LINGO2: variants seen among roughly 807,000 people sequenced by gnomAD.
LINGO2 encodes the protein leucine rich repeat and Ig domain containing 2.
A neutral mutation model predicts 30.6 loss-of-function variants in LINGO2; 14 were observed. The ratio of observed to expected loss-of-function variants is 0.46; its 90% confidence interval spans 0.30 to 0.72. The LOEUF (loss-of-function observed/expected upper bound fraction) is 0.72. Among genes scored for constraint, LINGO2 ranks in the 30% least tolerant of loss-of-function variants. LINGO2 has a pLI of 0.07. For synonymous variants in LINGO2, 317 were observed against 288.5 expected (o/e 1.10, Z -1.00); for missense variants, 729 against 751.7 (o/e 0.97, Z 0.35).
At chr9:28,887,218 G>A in the LINGO2 span, among the ~76,000 whole-genome samples, 1 of 152,082 alleles carries the variant, frequency 6.6e-6, no homozygotes. Context: ...CTGCTGAGTT[G>A]ATGCTGACAT....
intron 4 of LINGO2, among the ~76,000 whole-genome samples, chr9:28,292,822 G>A (rs1362655706): frequency 6.6e-6 from 1 of 151,616 alleles, no homozygotes; most frequent in Non-Finnish European, 1.5e-5. Context: ...CCAGGCTGGA[G>A]TGCAGTGACA....
At chr9:29,139,677 A>AG in the LINGO2 span, among the ~76,000 whole-genome samples, 1 of 152,178 alleles carries the variant, frequency 6.6e-6, no homozygotes, top group Admixed American at 6.5e-5. Context: ...AAAGCCAGTA[A>AG]GTAAATTAGT....
At chr9:28,680,197 T>C in the LINGO2 span, among the ~76,000 whole-genome samples, 8 of 152,052 alleles carry the variant, frequency 5.3e-5, no homozygotes, top group Admixed American at 5.3e-4. Context: ...ATTTCACATA[T>C]AAGTGAGATC....
chr9:28,569,714 G>T (rs971613614), intron 1 of LINGO2, among the ~76,000 whole-genome samples: 2 of 151,628 alleles, frequency 1.3e-5, no homozygotes, highest in African/African-American at 2.4e-5. Flanking sequence ...ATACAGCATG[G>T]TTACTATAGT....
the LINGO2 span, among the ~76,000 whole-genome samples, chr9:28,696,292 T>C: frequency 3.3e-5 from 5 of 151,994 alleles, no homozygotes; most frequent in Admixed American, 6.6e-5. Context: ...TAGACTTCTT[T>C]ACAGCTTGTA....
chr9:28,908,286 T>C, the LINGO2 span, among the ~76,000 whole-genome samples: 1 of 150,952 alleles, frequency 6.6e-6, no homozygotes, highest in South Asian at 2.1e-4. Context: ...ATAGCTAATA[T>C]GGAGCAGATA....
chr9:28,248,560 C>A (rs1175542012), intron 4 of LINGO2, among the ~76,000 whole-genome samples: 6 of 152,092 alleles, frequency 3.9e-5, no homozygotes, highest in Non-Finnish European at 5.9e-5. Flanking sequence ...GGTAGCACAT[C>A]AGGGGGACTG....
At chr9:28,533,589 G>A (rs975838127) in intron 1 of LINGO2, among the ~76,000 whole-genome samples, 1 of 152,148 alleles carries the variant, frequency 6.6e-6, no homozygotes, top group Admixed American at 6.5e-5. Context: ...TTGATGAATC[G>A]CAATAGGTGT....
the LINGO2 span, among the ~76,000 whole-genome samples, chr9:29,157,414 A>G: frequency 1.8e-4 from 27 of 152,304 alleles, no homozygotes; most frequent in South Asian, 2.5e-3. Flanking sequence ...CATTCTGAAA[A>G]CATGTGAGAA....
At chr9:28,751,757 C>T in the LINGO2 span, among the ~76,000 whole-genome samples, 72 of 151,846 alleles carry the variant, frequency 4.7e-4, no homozygotes, top group African/African-American at 1.7e-3. Context: ...GTTATGGATT[C>T]CCTAACTCAG....
At chr9:29,033,662 G>A in the LINGO2 span, among the ~76,000 whole-genome samples, 16,492 of 151,344 alleles carry the variant, frequency 0.11, 1,172 homozygotes, top group Non-Finnish European at 0.14. Flanking sequence ...AATTATACTT[G>A]TATTACTTTC....
chr9:28,536,024 G>C (rs906995419), intron 1 of LINGO2, among the ~76,000 whole-genome samples: 1 of 152,014 alleles, frequency 6.6e-6, no homozygotes, highest in Non-Finnish European at 1.5e-5. Flanking sequence ...TATTATTTTT[G>C]TTTTTAATAA....
intron 4 of LINGO2, among the ~76,000 whole-genome samples, chr9:28,155,075 A>G (rs1828096710): frequency 6.6e-6 from 1 of 152,204 alleles, no homozygotes; most frequent in South Asian, 2.1e-4. Flanking sequence ...TCTTTCTGAG[A>G]GCATTAAGAC....
At chr9:28,953,026 G>A in the LINGO2 span, among the ~76,000 whole-genome samples, 1 of 152,132 alleles carries the variant, frequency 6.6e-6, no homozygotes, top group East Asian at 1.9e-4. Context: ...ACTGGGTATA[G>A]AAATTACATT....
the LINGO2 span, among the ~76,000 whole-genome samples, chr9:28,809,979 G>T: frequency 6.6e-6 from 1 of 152,026 alleles, no homozygotes; most frequent in African/African-American, 2.4e-5. Flanking sequence ...TTGTGCCTTT[G>T]CTTATTGTTG....
the LINGO2 span, among the ~76,000 whole-genome samples, chr9:28,830,816 C>T: frequency 1.4e-4 from 20 of 147,808 alleles, no homozygotes; most frequent in African/African-American, 2.9e-4. Flanking sequence ...TCACTTGCAT[C>T]GTGCACATGC....
At chr9:28,621,359 T>A (rs980980258) in intron 1 of LINGO2, among the ~76,000 whole-genome samples, 1 of 151,924 alleles carries the variant, frequency 6.6e-6, no homozygotes, top group African/African-American at 2.4e-5. Context: ...CATAACAAGA[T>A]ACAGGTCATT....
At chr9:29,007,722 G>A in the LINGO2 span, among the ~76,000 whole-genome samples, 3 of 152,072 alleles carry the variant, frequency 2.0e-5, no homozygotes, top group South Asian at 2.1e-4. Flanking sequence ...TTTAGTAGCT[G>A]GATGGCAGAA....
chr9:28,363,942 G>T (rs1292759245), intron 3 of LINGO2, among the ~76,000 whole-genome samples: 1 of 139,738 alleles, frequency 7.2e-6, no homozygotes, highest in Admixed American at 7.2e-5. Context: ...GCTCAAAAGA[G>T]AAAATATTTG....
Sources: gnomAD v4.1 joint callset for allele counts (sites outside exome capture counted in the v4.1 genomes callset) on GRCh38, gnomAD v4.1.1 for gene constraint, MANE v1.5 for transcripts, NCBI Gene and HGNC (gene_info 2026-07-23, HGNC 2026-07-21) for gene names.